PPP1R12A: variants seen among roughly 807,000 people sequenced by gnomAD.
PPP1R12A encodes the protein protein phosphatase 1 regulatory subunit 12A, also known as myosin binding subunit.
PPP1R12A carries 19 observed loss-of-function variants against 139.6 expected under a neutral mutation model. The observed-to-expected ratio is 0.14, with a 90% CI of 0.09 to 0.20. PPP1R12A has a LOEUF of 0.20. Ranked by LOEUF, PPP1R12A falls within the 10% of genes least tolerant of loss-of-function variation. PPP1R12A has a pLI of 1.00. For missense variants in PPP1R12A, 925 were observed against 1,211.5 expected, an observed-to-expected ratio of 0.76 and a Z score of 3.51; for synonymous variants, 427 against 420.6, an observed-to-expected ratio of 1.02 and a Z score of -0.19.
At chr12:79,779,446 T>C in intron 23 of PPP1R12A, 2 of 934,374 alleles carry the variant, frequency 2.1e-6, no homozygotes, top group Non-Finnish European at 3.0e-6. Context: ...TGATATTTAG[T>C]CAAGCAGTAC....
chr12:79,848,636 C>T (rs10746146), intron 2 of PPP1R12A, among the ~76,000 whole-genome samples: 121,857 of 152,148 alleles, frequency 0.8, 50,744 homozygotes, highest in Non-Finnish European at 0.92. Context: ...AGATTACGTA[C>T]GTGTGTATGT....
intron 2 of PPP1R12A, among the ~76,000 whole-genome samples, chr12:79,857,590 TA>T (rs930205365): frequency 1.2e-4 from 18 of 151,600 alleles, no homozygotes; most frequent in South Asian, 4.2e-4. Flanking sequence ...AAAATAATAA[TA>T]AAAAAATAAT....
At chr12:79,873,519 T>G (rs1882786363) in intron 1 of PPP1R12A, among the ~76,000 whole-genome samples, 1 of 149,658 alleles carries the variant, frequency 6.7e-6, no homozygotes. Flanking sequence ...AAAAAAACAT[T>G]GCTAAGCACA....
At chr12:79,852,781 G>A (rs1880209812) in intron 2 of PPP1R12A, among the ~76,000 whole-genome samples, 1 of 152,144 alleles carries the variant, frequency 6.6e-6, no homozygotes, top group African/African-American at 2.4e-5. Context: ...CTGCTCCCAT[G>A]TAGCCTCTAC....
chr12:79,801,223 T>TAA (rs768793800), intron 14 of PPP1R12A, among the ~76,000 whole-genome samples: 1 of 150,722 alleles, frequency 6.6e-6, no homozygotes, highest in East Asian at 2.0e-4. Context: ...CGCATGCCTG[T>TAA]AATCCTAGCT....
In PPP1R12A at chr12:79,779,503, TAGAC is replaced by T. The variant is rs775045980; in HGVS notation, c.2956-907_2956-904del. The T allele has an allele frequency of 7.3e-4, 385 of 529,946 alleles. 5 individuals are homozygous for T. The highest frequency in any genetic ancestry group is 6.4e-4 in the Admixed American group (25 of 38,880). The allele number at this position is 529,946 out of a possible 1,614,324, so 32.8% of individuals were successfully genotyped here. A position where few individuals can be genotyped will look rare whatever the true frequency, so the allele number is the denominator to read the frequency against. On this transcript the variant is annotated intron_variant, in intron 23 of 24. Transcript: ENST00000450142. ...TTTTAGGGTATGTGATTTTAAAAAG[TAGAC>T]AGAATCCTACTGATCGTCTTTTAAG...
chr12:79,867,292 G>A (rs913773947), intron 2 of PPP1R12A, among the ~76,000 whole-genome samples: 2 of 152,212 alleles, frequency 1.3e-5, no homozygotes, highest in South Asian at 2.1e-4. Context: ...ACACAGGGAT[G>A]GGAACATCAC....
intron 2 of PPP1R12A, among the ~76,000 whole-genome samples, chr12:79,846,034 GGGTTCATGGGTAAAATTCAGAA>G (rs1210344381): frequency 7.0e-6 from 1 of 143,282 alleles, no homozygotes; most frequent in Admixed American, 7.3e-5. Context: ...TCTTAAGCTG[GGGTTCATGGGTAAAATTCAGAA>G]GGTTCATAAA....
intron 2 of PPP1R12A, 145 bp from the exon 3 acceptor site, chr12:79,845,565 CA>C (rs2137212330): frequency 3.3e-6 from 2 of 601,746 alleles, no homozygotes; most frequent in East Asian, 6.2e-5. Context: ...ACTATCAGGC[CA>C]GGCGCAGTGG....
intron 1 of PPP1R12A, among the ~76,000 whole-genome samples, chr12:79,909,365 C>T (rs1284497309): frequency 1.3e-5 from 2 of 152,094 alleles, no homozygotes; most frequent in Non-Finnish European, 2.9e-5. Flanking sequence ...GATGTTAATT[C>T]CCAAATAGAT....
At chr12:79,781,477 G>A (rs746914892) in intron 23 of PPP1R12A, among the ~76,000 whole-genome samples, 1 of 151,848 alleles carries the variant, frequency 6.6e-6, no homozygotes, top group Admixed American at 6.6e-5. Context: ...TGATTAAAAC[G>A]TTTTAGGTAC....
chr12:79,922,461 A>C (rs932189169), intron 1 of PPP1R12A, among the ~76,000 whole-genome samples: 2 of 152,172 alleles, frequency 1.3e-5, no homozygotes, highest in Admixed American at 6.5e-5. Context: ...ATCAATGATG[A>C]ACTGGATAAA....
intron 19 of PPP1R12A, 126 bp downstream of exon 19, chr12:79,793,737 G>C: frequency 1.5e-6 from 1 of 653,160 alleles, no homozygotes; most frequent in Non-Finnish European, 2.5e-6. Flanking sequence ...CACTGATATT[G>C]CATACCCAGC....
At chr12:79,824,773 G>A (rs1040963252) in intron 5 of PPP1R12A, among the ~76,000 whole-genome samples, 1 of 152,030 alleles carries the variant, frequency 6.6e-6, no homozygotes, top group African/African-American at 2.4e-5. Flanking sequence ...TATAAGCAGT[G>A]TCACTCAAAG....
At chr12:79,817,269 T>C in intron 9 of PPP1R12A, 125 bp downstream of exon 9, 1 of 883,748 alleles carries the variant, frequency 1.1e-6, no homozygotes. Flanking sequence ...AAATACATAT[T>C]TATATTCTGA....
At position 79,820,940 on chromosome 12, in the gene PPP1R12A, G is replaced by A; in HGVS notation, c.957-9C>T. 1 of 1,612,400 alleles carries A rather than the reference G, an allele frequency of 6.2e-7. No homozygotes were observed. The highest frequency in any genetic ancestry group is 8.5e-7 in the Non-Finnish European group (1 of 1,179,238). On this transcript the variant is annotated splice_polypyrimidine_tract_variant and intron_variant, in intron 7 of 24. Transcript: ENST00000450142. ...TAATCAACGTCTCTTTGCTGTTAAA[G>A]GAAAACAGTGTTCAAATGATTAGAA...
chr12:79,874,041 C>T (rs943874250), intron 1 of PPP1R12A, among the ~76,000 whole-genome samples: 1 of 152,106 alleles, frequency 6.6e-6, no homozygotes, highest in Admixed American at 6.5e-5. Flanking sequence ...TTTGGGAGGC[C>T]GAGGCGGGCA....
chr12:79,805,303 A>AT (rs959284796), intron 14 of PPP1R12A, among the ~76,000 whole-genome samples: 2 of 152,064 alleles, frequency 1.3e-5, no homozygotes, highest in East Asian at 3.8e-4. Flanking sequence ...TCATCAAAAA[A>AT]TTTTTTTTGA....
At chr12:79,917,658 CTCAA>C (rs1192362210) in intron 1 of PPP1R12A, among the ~76,000 whole-genome samples, 4 of 151,942 alleles carry the variant, frequency 2.6e-5, no homozygotes, top group East Asian at 1.9e-4. Context: ...GCAAAAAACC[CTCAA>C]TCAAATACTC....
Sources: allele counts gnomAD v4.1 joint callset (sites outside exome capture counted in the v4.1 genomes callset), GRCh38; gene constraint gnomAD v4.1.1; transcripts MANE v1.5; gene names NCBI Gene and HGNC (gene_info 2026-07-23, HGNC 2026-07-21).